ACOT11: variants seen among roughly 807,000 people sequenced by gnomAD.
ACOT11 encodes acyl-CoA thioesterase 11.
Under a neutral mutation model 77.5 loss-of-function variants are expected in ACOT11, and 69 were observed. The ratio of observed to expected loss-of-function variants is 0.89; its 90% CI spans 0.73 to 1.09. ACOT11 has a LOEUF of 1.09. Among genes scored for constraint, ACOT11 ranks in the 50% least tolerant of loss-of-function variants. ACOT11 has a pLI of 0.00. For synonymous variants in ACOT11, 279 were observed against 313.0 expected, an observed-to-expected ratio of 0.89 and a Z score of 1.15; for missense variants, 766 against 813.7, an observed-to-expected ratio of 0.94 and a Z score of 0.71.
chr1:54,578,801 T>C (rs560789181), intron 1 of ACOT11, among the ~76,000 whole-genome samples: 106 of 152,086 alleles, frequency 7.0e-4, no homozygotes, highest in African/African-American at 2.4e-3. Context: ...TTTTTTTAAT[T>C]TTTATTTTTA....
chr1:54,602,706 A>G lies in ACOT11; in HGVS notation c.1067A>G (p.Lys356Arg), dbSNP rs764703945. ...CGGTACCGAGAGGCCAGTGCCAGAAAGAAGATCCGCCTGGACAGGTGAGTA... is the reference window on the plus strand; with the variant it reads ...CGGTACCGAGAGGCCAGTGCCAGAAGGAAGATCCGCCTGGACAGGTGAGTA... Reference protein sequence around the residue: ...ERRYREASARKKIRLDRKYIV... With the variant: ...ERRYREASARRKIRLDRKYIV... Residue 356 changes from lysine (K) to arginine (R), a missense_variant, in exon 10 of 16, where the codon AAG becomes AGG. By Grantham distance (26) the Lys-to-Arg change is conservative. Coordinates refer to ENST00000343744, the MANE Select transcript of ACOT11 (RefSeq NM_147161.4). 1.3e-6 allele frequency: 2 copies of G among 1,556,198 alleles called. No individual in the cohort carries two copies. The highest frequency in any genetic ancestry group is 1.7e-6 in the Non-Finnish European group (2 of 1,152,284).
intron 15 of ACOT11, among the ~76,000 whole-genome samples, chr1:54,620,425 G>A (rs1644218515): frequency 1.3e-5 from 2 of 152,266 alleles, no homozygotes; most frequent in Admixed American, 1.3e-4. Flanking sequence ...GGAAGAGGGG[G>A]CCGGGCATGG....
chr1:54,587,911 T>C (rs1425635279), intron 3 of ACOT11, among the ~76,000 whole-genome samples: 2 of 152,048 alleles, frequency 1.3e-5, no homozygotes, highest in East Asian at 1.9e-4. Flanking sequence ...ATAAAAACAT[T>C]GTATCTCTAA....
At chr1:54,556,930 G>T (rs1653277508) in intron 1 of ACOT11, among the ~76,000 whole-genome samples, 1 of 151,978 alleles carries the variant, frequency 6.6e-6, no homozygotes, top group South Asian at 2.1e-4. Context: ...TTAAGAGACA[G>T]TGTTTCCCTC....
intron 16 of ACOT11, among the ~76,000 whole-genome samples, chr1:54,632,071 C>G (rs1008076796): frequency 1.3e-5 from 2 of 152,106 alleles, no homozygotes; most frequent in African/African-American, 2.4e-5. Context: ...TAGAAAAAAT[C>G]AGCGAGTCAG....
intron 15 of ACOT11, among the ~76,000 whole-genome samples, chr1:54,618,226 G>C (rs567614586): frequency 6.6e-6 from 1 of 152,160 alleles, no homozygotes; most frequent in African/African-American, 2.4e-5. Flanking sequence ...CTCCTCAGCC[G>C]GGCGCGGTGG....
At chr1:54,565,231 C>T (rs530984486) in intron 1 of ACOT11, among the ~76,000 whole-genome samples, 75 of 152,260 alleles carry the variant, frequency 4.9e-4, no homozygotes, top group African/African-American at 1.7e-3. Context: ...GATGGGGAGT[C>T]GAGGCAGTGA....
intron 1 of ACOT11, among the ~76,000 whole-genome samples, chr1:54,554,125 G>A (rs61776780): frequency 0.17 from 25,263 of 150,916 alleles, 2,545 homozygotes; most frequent in Non-Finnish European, 0.23. Flanking sequence ...GTGAGCTGAA[G>A]TTATTGCATT....
At chr1:54,622,956 C>T (rs543285910) in intron 15 of ACOT11, among the ~76,000 whole-genome samples, 1 of 150,226 alleles carries the variant, frequency 6.7e-6, no homozygotes, top group East Asian at 2.0e-4. Flanking sequence ...AGGTGGATCA[C>T]CTGAGGTCAG....
At chr1:54,582,180 G>T (rs1654334417) in intron 1 of ACOT11, among the ~76,000 whole-genome samples, 1 of 152,162 alleles carries the variant, frequency 6.6e-6, no homozygotes, top group African/African-American at 2.4e-5. Context: ...CAAATCCCAG[G>T]CTGAGTTAGG....
intron 1 of ACOT11, among the ~76,000 whole-genome samples, chr1:54,550,930 A>C (rs932925010): frequency 5.9e-5 from 9 of 151,992 alleles, no homozygotes; most frequent in Admixed American, 1.3e-4. Context: ...ACTTGAGGCC[A>C]GGAGTTCGAG....
At chr1:54,637,774 G>A (rs1014398646) in exon 17 of ACOT11, 4 of 152,022 alleles carry the variant, frequency 2.6e-5, no homozygotes, top group African/African-American at 7.2e-5. Flanking sequence ...GTAAGAGAGC[G>A]AGACTCTGCC....
intron 3 of ACOT11, among the ~76,000 whole-genome samples, chr1:54,591,919 G>T (rs1347388073): frequency 6.6e-6 from 1 of 152,244 alleles, no homozygotes; most frequent in Non-Finnish European, 1.5e-5. Flanking sequence ...ACAGTGCCTG[G>T]CACCTAGCAG....
chr1:54,610,845 T>C (rs879899329), downstream of ACOT11: 245 of 985,302 alleles, frequency 2.5e-4, no homozygotes, highest in Non-Finnish European at 2.7e-4. Flanking sequence ...GCAGGAATGC[T>C]GAGTCTGATG....
At chr1:54,601,206 G>A in intron 8 of ACOT11, 63 bp from the exon 9 acceptor site, 1 of 1,567,670 alleles carries the variant, frequency 6.4e-7, no homozygotes, top group Non-Finnish European at 8.6e-7. Flanking sequence ...TGTGTGTGTT[G>A]GGGAGGAGGC....
chr1:54,611,428 G>A (rs896953469), downstream of ACOT11, among the ~76,000 whole-genome samples: 6 of 152,082 alleles, frequency 3.9e-5, no homozygotes, highest in African/African-American at 1.4e-4. Flanking sequence ...AAATAAAATG[G>A]ATGTTTGAAG....
intron 15 of ACOT11, chr1:54,620,028 C>G: frequency 1.2e-6 from 2 of 1,611,770 alleles, no homozygotes; most frequent in Non-Finnish European, 1.7e-6. Flanking sequence ...TCCCAAGGGG[C>G]TGTTAGCGTC....
intron 1 of ACOT11, among the ~76,000 whole-genome samples, chr1:54,558,327 A>G (rs1015370364): frequency 1.3e-5 from 2 of 152,258 alleles, no homozygotes; most frequent in Non-Finnish European, 2.9e-5. Context: ...GCTGTATGCC[A>G]TGCCTGCAGT....
At chr1:54,569,018 G>A (rs1193489023) in intron 1 of ACOT11, among the ~76,000 whole-genome samples, 1 of 151,950 alleles carries the variant, frequency 6.6e-6, no homozygotes, top group African/African-American at 2.4e-5. Context: ...TGCTGAGGTG[G>A]GAGGATTACT....
Sources: allele counts gnomAD v4.1 joint callset (sites outside exome capture counted in the v4.1 genomes callset), GRCh38; gene constraint gnomAD v4.1.1; transcripts MANE v1.5; gene names NCBI Gene and HGNC (gene_info 2026-07-23, HGNC 2026-07-21).